The following MYRIP variants were observed in gnomAD, a reference collection of about 807,000 sequenced individuals.
The protein encoded by MYRIP is myosin VIIA and Rab interacting protein.
Under a neutral mutation model 98.0 loss-of-function variants are expected in MYRIP, and 49 were observed. That is an observed-to-expected ratio of 0.50 (90% CI 0.40 to 0.63). The LOEUF is 0.63. Among genes scored for constraint, MYRIP ranks in the 30% least tolerant of loss-of-function variants. The pLI, the probability that MYRIP is intolerant of heterozygous loss-of-function variation, is 0.00. For missense variants in MYRIP, 1,004 were observed against 1,058.2 expected, an observed-to-expected ratio of 0.95 and a Z score of 0.71; for synonymous variants, 404 against 409.5, an observed-to-expected ratio of 0.99 and a Z score of 0.16.
chr3:40,141,665 A>G (rs527943664), intron 3 of MYRIP, among the ~76,000 whole-genome samples: 24 of 152,228 alleles, frequency 1.6e-4, no homozygotes, highest in African/African-American at 5.8e-4. Flanking sequence ...CTGTATATAG[A>G]TATCCAGTTT....
At chr3:40,056,177 T>C (rs753797552) in intron 3 of MYRIP, among the ~76,000 whole-genome samples, 4 of 152,180 alleles carry the variant, frequency 2.6e-5, no homozygotes, top group Non-Finnish European at 5.9e-5. Flanking sequence ...TTCCGTTCCT[T>C]GGGATGTAAT....
At chr3:39,853,457 G>A (rs1007761520) in intron 1 of MYRIP, among the ~76,000 whole-genome samples, 10 of 152,132 alleles carry the variant, frequency 6.6e-5, no homozygotes, top group African/African-American at 2.4e-4. Context: ...ATTCTTGCAG[G>A]AGTAAGGTGG....
rs1441233252 is a variant in MYRIP at position 40,151,119 on chromosome 3, C to G, written c.404C>G (p.Ala135Gly). 3.1e-6 allele frequency: 5 copies of G among 1,611,166 alleles called. No homozygotes were observed. Among genetic ancestry groups the G allele is most frequent in the Non-Finnish European group, 4.2e-6 (5 of 1,178,538 alleles). Residue 135 changes from alanine to glycine, a missense_variant, in exon 4 of 17, where the codon GCC (alanine) becomes GGC (glycine). This residue lies in a region of MYRIP where 880 missense variants were observed against 907.7 expected (regional missense o/e 0.97). Transcript: ENST00000302541. Reference sequence around the variant, plus strand: ...AGCCGCTTCAAGCGCTTTGGCAGTGCCAAGGTTCTGAAGAACCTGTACAGG... The same window carrying G: ...AGCCGCTTCAAGCGCTTTGGCAGTGGCAAGGTTCTGAAGAACCTGTACAGG... Reference protein sequence around the residue: ...VKSRFKRFGSAKVLKNLYRKH... With the variant: ...VKSRFKRFGSGKVLKNLYRKH...
intron 1 of MYRIP, among the ~76,000 whole-genome samples, chr3:39,830,285 C>T (rs182635220): frequency 1.3e-5 from 2 of 152,268 alleles, no homozygotes; most frequent in East Asian, 3.9e-4. Flanking sequence ...TTACCTACTC[C>T]ATACCTGCGT....
chr3:39,817,831 T>C (rs998380627), intron 1 of MYRIP, among the ~76,000 whole-genome samples: 1 of 152,202 alleles, frequency 6.6e-6, no homozygotes, highest in Non-Finnish European at 1.5e-5. Flanking sequence ...CCTCTTGTTT[T>C]TTTCCCTTAA....
At chr3:40,044,724 G>A (rs1250442412) in intron 3 of MYRIP, among the ~76,000 whole-genome samples, 1 of 152,154 alleles carries the variant, frequency 6.6e-6, no homozygotes, top group Admixed American at 6.5e-5. Context: ...GGAGATACAT[G>A]CCCTGACTAG....
chr3:39,913,945 T>C (rs1559520255), intron 2 of MYRIP, among the ~76,000 whole-genome samples: 1 of 152,226 alleles, frequency 6.6e-6, no homozygotes, highest in South Asian at 2.1e-4. Context: ...TAGCTTCTTA[T>C]GAAATTTCTC....
chr3:40,244,032 T>C (rs902556574), intron 12 of MYRIP, among the ~76,000 whole-genome samples: 3 of 152,238 alleles, frequency 2.0e-5, no homozygotes, highest in African/African-American at 7.2e-5. Flanking sequence ...CCCCTCTTTC[T>C]TGTTTTCTGA....
At position 40,037,957 on chromosome 3, in the gene MYRIP, T is replaced by G. The variant is rs549143234; in HGVS notation, c.111-6093T>G. On this transcript the variant is annotated intron_variant, in intron 2 of 16. Transcript: ENST00000302541. Reference sequence around the variant, plus strand: ...CCTTGGCTAAATAAACCTCTATCCATTGAGACCTGCCTCAATCACTTTTTG... The same window carrying G: ...CCTTGGCTAAATAAACCTCTATCCAGTGAGACCTGCCTCAATCACTTTTTG... Among the ~76,000 whole-genome samples the G allele has an allele frequency of 2.6e-5, 4 of 152,214 alleles. No homozygotes were observed. In the East Asian group the frequency reaches 5.8e-4, roughly 22 times the overall value.
At chr3:40,160,471 G>T (rs370351759) in intron 4 of MYRIP, among the ~76,000 whole-genome samples, 2 of 152,212 alleles carry the variant, frequency 1.3e-5, no homozygotes, top group Admixed American at 1.3e-4. Context: ...TGCCCCCAGA[G>T]GTGGAGCCTA....
At chr3:39,849,083 G>A (rs1314641148) in intron 1 of MYRIP, among the ~76,000 whole-genome samples, 1 of 152,136 alleles carries the variant, frequency 6.6e-6, no homozygotes, top group African/African-American at 2.4e-5. Flanking sequence ...GATGTAGAGG[G>A]TACATCTGTC....
rs143603346 is a variant in MYRIP, at chr3:40,044,162, G to A, written c.223G>A (p.Val75Ile). The part of the protein sequence containing the change: ...MRCCSPFTFL[V>I]NTKRQCGDCK... ...CTGCTGCTCGCCCTTCACCTTCCTCGTCAACACCAAGCGCCAGTGTGGAGA... is the reference window on the plus strand; with the variant it reads ...CTGCTGCTCGCCCTTCACCTTCCTCATCAACACCAAGCGCCAGTGTGGAGA... The change falls in exon 3 of 17, where the codon GTC becomes ATC. Residue 75 changes from valine (V) to isoleucine (I), a missense_variant. Coordinates refer to ENST00000302541, the MANE Select transcript of MYRIP (RefSeq NM_015460.4). The A allele has an allele frequency of 2.9e-3, 4,616 of 1,614,110 alleles. 7 individuals are homozygous for A. The highest frequency in any genetic ancestry group is 3.3e-3 in the Non-Finnish European group (3,914 of 1,180,024).
At chr3:40,080,548 G>T (rs1194726368) in intron 3 of MYRIP, among the ~76,000 whole-genome samples, 1 of 151,876 alleles carries the variant, frequency 6.6e-6, no homozygotes. Context: ...TTGGTTTCTA[G>T]TAAGGAACAG....
intron 2 of MYRIP, among the ~76,000 whole-genome samples, chr3:39,971,113 G>A (rs1023017635): frequency 2.6e-5 from 4 of 152,010 alleles, no homozygotes; most frequent in East Asian, 1.9e-4. Flanking sequence ...AGTCTCCAGC[G>A]GCAGCAACTT....
intron 11 of MYRIP, among the ~76,000 whole-genome samples, chr3:40,223,497 A>G (rs1028352334): frequency 2.6e-5 from 4 of 152,224 alleles, no homozygotes; most frequent in Non-Finnish European, 1.5e-5. Context: ...CTTTTTAATA[A>G]ATAGTGTTTG....
chr3:40,192,345 T>TATATATATATATGTC, intron 10 of MYRIP, among the ~76,000 whole-genome samples: 1 of 122,144 alleles, frequency 8.2e-6, no homozygotes, highest in South Asian at 2.5e-4. Flanking sequence ...ATATATGTCA[T>TATATATATATATGTC]ATATATATTT....
chr3:40,044,123 C>A lies in MYRIP; in HGVS notation c.184C>A (p.His62Asn), dbSNP rs144297756. ...CTCGAAGCACCAGCAGTTTGTGGAG[C>A]ACTGCTGCATGCGCTGCTGCTCGCC... ...ILSKHQQFVEHCCMRCCSPFT... is the reference protein window; with the variant it reads ...ILSKHQQFVENCCMRCCSPFT... Residue 62 changes from histidine (H) to asparagine (N), a missense_variant, in exon 3 of 17, where the codon CAC (histidine) becomes AAC (asparagine). Around this residue, in one of 3 missense-constraint regions of MYRIP, gnomAD observed 880 missense variants for 907.7 expected, o/e 0.97. Transcript: ENST00000302541. 399 of 1,614,050 alleles carry A rather than the reference C, an allele frequency of 2.5e-4. No homozygotes were observed. Among genetic ancestry groups the A allele is most frequent in the Non-Finnish European group, 3.3e-4 (387 of 1,180,038 alleles).
At position 40,182,241 on chromosome 3, in the gene MYRIP, A is replaced by G. The variant is rs755317954; in HGVS notation, c.895A>G (p.Ile299Val). 52 of 1,612,174 alleles carry G rather than the reference A, an allele frequency of 3.2e-5. No individual in the cohort carries two copies. The highest frequency in any genetic ancestry group is 4.2e-5 in the Non-Finnish European group (49 of 1,179,230). ...ALWRSQSAFS[I>V]TGEEALKTPP... ...ACAGAGGTCCCAGTCTGCCTTCTCA[A>G]TCACTGGAGAAGAAGCCCTGAAGAC... Residue 299 changes from isoleucine to valine, a missense_variant, in exon 9 of 17, where the codon ATC becomes GTC. Coordinates refer to ENST00000302541, the MANE Select transcript of MYRIP (RefSeq NM_015460.4).
At chr3:39,923,756 T>G (rs1944355954) in intron 2 of MYRIP, among the ~76,000 whole-genome samples, 1 of 152,140 alleles carries the variant, frequency 6.6e-6, no homozygotes, top group African/African-American at 2.4e-5. Context: ...TCTAAATATA[T>G]TTTTAAAATT....
Sources: gnomAD v4.1 joint callset for allele counts (sites outside exome capture counted in the v4.1 genomes callset) on GRCh38, gnomAD v4.1.1 for gene constraint, gnomAD v4.1.1 regional missense constraint, MANE v1.5 for transcripts, NCBI Gene and HGNC (gene_info 2026-07-23, HGNC 2026-07-21) for gene names.